The following SNX29 variants were observed in gnomAD, a reference collection of about 807,000 sequenced individuals.
The protein encoded by SNX29 is sorting nexin-29.
A neutral mutation model predicts 102.1 loss-of-function variants in SNX29; 78 were observed. That is an observed-to-expected ratio of 0.76 (90% CI 0.64 to 0.92). SNX29 has a LOEUF of 0.92. Ranked by LOEUF, SNX29 falls within the 40% of genes least tolerant of loss-of-function variation. The probability of loss-of-function intolerance (pLI) is 0.00; values close to 1 mark genes in which losing one functional copy is unlikely to be tolerated. For missense variants in SNX29, 1,280 were observed against 1,061.7 expected (o/e 1.21, Z -2.86); for synonymous variants, 580 against 414.5 (o/e 1.40, Z -4.85).
chr16:12,003,783 G>T (rs1420669506), intron 3 of SNX29, among the ~76,000 whole-genome samples: 1 of 152,196 alleles, frequency 6.6e-6, no homozygotes, highest in Non-Finnish European at 1.5e-5. Flanking sequence ...GAGGCAGGTG[G>T]ATCACTTGAG....
At chr16:12,523,180 T>A (rs915244770) in intron 19 of SNX29, among the ~76,000 whole-genome samples, 2 of 152,160 alleles carry the variant, frequency 1.3e-5, no homozygotes, top group Non-Finnish European at 2.9e-5. Context: ...GCTGACAGAT[T>A]GTGACTGAGC....
chr16:12,310,104 A>G (rs1313739142), intron 15 of SNX29, among the ~76,000 whole-genome samples: 2 of 121,546 alleles, frequency 1.6e-5, no homozygotes, highest in Non-Finnish European at 3.5e-5. Context: ...ACACACATGC[A>G]CACATACACG....
chr16:12,121,054 G>T (rs572726534), intron 11 of SNX29, among the ~76,000 whole-genome samples: 55 of 152,348 alleles, frequency 3.6e-4, no homozygotes, highest in Non-Finnish European at 6.6e-4. Flanking sequence ...GCGACTGTCA[G>T]TCATTCATTT....
chr16:12,184,476 C>A (rs1201057587), intron 13 of SNX29, among the ~76,000 whole-genome samples: 5 of 152,210 alleles, frequency 3.3e-5, no homozygotes, highest in Non-Finnish European at 7.3e-5. Flanking sequence ...AGGTTCAGAT[C>A]TCCTAGAGCC....
chr16:11,985,746 A>G (rs1382796042), intron 1 of SNX29, among the ~76,000 whole-genome samples: 1 of 151,854 alleles, frequency 6.6e-6, no homozygotes, highest in East Asian at 1.9e-4. Flanking sequence ...GGTGGTTAGG[A>G]ATGTGATGTG....
chr16:12,555,442 T>C (rs78076725), intron 20 of SNX29, among the ~76,000 whole-genome samples: 2,305 of 152,162 alleles, frequency 0.015, 59 homozygotes, highest in African/African-American at 0.052. Flanking sequence ...GACACTCATG[T>C]ACGCAGGGTG....
At chr16:12,239,750 A>G (rs950763867) in intron 14 of SNX29, among the ~76,000 whole-genome samples, 1 of 151,340 alleles carries the variant, frequency 6.6e-6, no homozygotes, top group African/African-American at 2.4e-5. Flanking sequence ...AACCCAGGAG[A>G]TCAGGGCTAC....
intron 14 of SNX29, among the ~76,000 whole-genome samples, chr16:12,200,176 G>A (rs930090748): frequency 3.9e-5 from 6 of 152,144 alleles, no homozygotes; most frequent in Non-Finnish European, 7.3e-5. Flanking sequence ...GGCAATCCAT[G>A]TAGACGTCTT....
rs1386025836 is a variant in SNX29, at chr16:12,048,365, T to G, written c.500-7T>G. On this transcript the variant is annotated splice_polypyrimidine_tract_variant and splice_region_variant and intron_variant, in intron 6 of 20. Coordinates refer to ENST00000566228, the MANE Select transcript of SNX29 (RefSeq NM_032167.5). ...AGCACTCCAGACTTTTCCCTTTTTT[T>G]GGGCAGGTCTGAACTCCATACTCTT... 6 of 1,613,894 alleles carry G rather than the reference T, an allele frequency of 3.7e-6. No homozygotes were observed. The South Asian group carries it at 4.4e-5, about 12-fold the overall frequency.
chr16:12,245,422 G>C (rs1366100559), intron 14 of SNX29, among the ~76,000 whole-genome samples: 3 of 151,526 alleles, frequency 2.0e-5, no homozygotes, highest in African/African-American at 7.3e-5. Flanking sequence ...ACATGTCAAA[G>C]ATGACATGTT....
At chr16:12,533,833 C>T (rs571297445) in intron 20 of SNX29, among the ~76,000 whole-genome samples, 68 of 152,326 alleles carry the variant, frequency 4.5e-4, no homozygotes, top group Non-Finnish European at 8.2e-4. Context: ...CCTCACCAGG[C>T]TGATTCCTGT....
At chr16:12,419,896 C>G (rs1352212401) in intron 18 of SNX29, among the ~76,000 whole-genome samples, 2 of 152,208 alleles carry the variant, frequency 1.3e-5, no homozygotes, top group Non-Finnish European at 2.9e-5. Context: ...TGAGGGTGCT[C>G]TGACTAGCAG....
At chr16:12,209,694 C>A (rs1260571349) in intron 14 of SNX29, among the ~76,000 whole-genome samples, 2 of 152,192 alleles carry the variant, frequency 1.3e-5, no homozygotes, top group African/African-American at 4.8e-5. Flanking sequence ...AGACGTGAGA[C>A]CAGCAGTGGC....
chr16:11,999,187 C>A, intron 1 of SNX29, 110 bp from the exon 2 acceptor site: 1 of 886,602 alleles, frequency 1.1e-6, no homozygotes, highest in Admixed American at 2.2e-5. Flanking sequence ...ATTATTGATA[C>A]CTAGTTGTGC....
intron 13 of SNX29, among the ~76,000 whole-genome samples, chr16:12,181,168 G>A (rs76316250): frequency 0.03 from 4,602 of 152,218 alleles, 102 homozygotes; most frequent in African/African-American, 0.063. Context: ...GGCCCACCAC[G>A]CTTTTATGAA....
chr16:12,566,108 C>T (rs563288743), intron 20 of SNX29, among the ~76,000 whole-genome samples: 3 of 152,356 alleles, frequency 2.0e-5, no homozygotes, highest in African/African-American at 4.8e-5. Context: ...ACCACCCCAC[C>T]TTTATTCTGT....
chr16:12,513,014 C>G (rs532196247), intron 19 of SNX29, among the ~76,000 whole-genome samples: 2 of 152,094 alleles, frequency 1.3e-5, no homozygotes, highest in Non-Finnish European at 2.9e-5. Context: ...GTGGCCCTGG[C>G]CTCCAAGGCA....
Position 12,471,575 on chromosome 16 carries a change from A to T in SNX29, c.2038-6144A>T, listed in dbSNP as rs113996607. 2.0e-5 allele frequency among the ~76,000 whole-genome samples: 3 copies of T among 152,172 alleles called. No individual in the cohort carries two copies. In the South Asian group the frequency reaches 6.2e-4, roughly 32 times the overall value. ...ATGACGATGTGTCAGGTCCACGTGG[A>T]TGTGTACCCACAGAGCCTTGGCACT... On this transcript the variant is annotated intron_variant, in intron 18 of 20. Coordinates refer to ENST00000566228, the MANE Select transcript of SNX29 (RefSeq NM_032167.5).
intron 14 of SNX29, among the ~76,000 whole-genome samples, chr16:12,205,561 C>T (rs2077024435): frequency 6.6e-6 from 1 of 151,736 alleles, no homozygotes; most frequent in Non-Finnish European, 1.5e-5. Context: ...CTGGCTCCTG[C>T]CTCAGGCTCT....
Sources: allele counts gnomAD v4.1 joint callset (sites outside exome capture counted in the v4.1 genomes callset), GRCh38; gene constraint gnomAD v4.1.1; transcripts MANE v1.5; gene names NCBI Gene and HGNC (gene_info 2026-07-23, HGNC 2026-07-21).